Variants in ZNF385D observed in about 807,000 individuals in gnomAD.
The protein encoded by ZNF385D is zinc finger protein 659.
A neutral mutation model predicts 35.8 loss-of-function variants in ZNF385D; 15 were observed. That is an observed-to-expected ratio of 0.42 (90% CI 0.28 to 0.64). The LOEUF is 0.64. Ranked by LOEUF, ZNF385D falls within the 30% of genes least tolerant of loss-of-function variation. The pLI is 0.23. For missense variants in ZNF385D, 474 were observed against 494.6 expected (o/e 0.96, Z 0.39); for synonymous variants, 212 against 186.8 (o/e 1.13, Z -1.10).
At chr3:21,909,386 C>T (rs1215493794) in intron 3 of ZNF385D, among the ~76,000 whole-genome samples, 1 of 152,032 alleles carries the variant, frequency 6.6e-6, no homozygotes, top group Non-Finnish European at 1.5e-5. Context: ...TCCACCATGT[C>T]AGGGTGGGAA....
At chr3:21,963,790 A>G (rs1200336406) in intron 3 of ZNF385D, among the ~76,000 whole-genome samples, 1 of 152,172 alleles carries the variant, frequency 6.6e-6, no homozygotes, top group Non-Finnish European at 1.5e-5. Context: ...TATGCCCAGA[A>G]TTCTAGAGAT....
At chr3:22,201,939 G>C (rs1423211287) in intron 2 of ZNF385D, among the ~76,000 whole-genome samples, 4 of 151,748 alleles carry the variant, frequency 2.6e-5, no homozygotes, top group Non-Finnish European at 5.9e-5. Context: ...GCAAAATAAA[G>C]ATCAACAAGA....
At chr3:22,293,086 T>A (rs1439540652) in intron 2 of ZNF385D, among the ~76,000 whole-genome samples, 1 of 152,160 alleles carries the variant, frequency 6.6e-6, no homozygotes, top group Non-Finnish European at 1.5e-5. Context: ...TGAACATTAC[T>A]GTCTTATATA....
At chr3:21,873,151 T>C (rs531619443) in intron 3 of ZNF385D, among the ~76,000 whole-genome samples, 1 of 152,264 alleles carries the variant, frequency 6.6e-6, no homozygotes, top group East Asian at 1.9e-4. Context: ...GGTAGATAGC[T>C]AGATGATGGA....
chr3:21,560,282 C>G (rs1164729896), intron 3 of ZNF385D, among the ~76,000 whole-genome samples: 1 of 152,158 alleles, frequency 6.6e-6, no homozygotes, highest in Admixed American at 6.5e-5. Context: ...TGGTTTCTCC[C>G]CATCTTCGTG....
chr3:22,122,124 TA>T (rs1200656046), intron 3 of ZNF385D, among the ~76,000 whole-genome samples: 1 of 152,124 alleles, frequency 6.6e-6, no homozygotes, highest in Non-Finnish European at 1.5e-5. Context: ...TTTCTTTTTT[TA>T]AACCCCTTCC....
chr3:21,842,170 T>C (rs180806544), intron 3 of ZNF385D, among the ~76,000 whole-genome samples: 136 of 152,136 alleles, frequency 8.9e-4, no homozygotes, highest in African/African-American at 3.2e-3. Flanking sequence ...TAATTCAATA[T>C]GTAATCTTTT....
chr3:21,538,107 G>GA (rs2062080074), intron 3 of ZNF385D, among the ~76,000 whole-genome samples: 1 of 152,086 alleles, frequency 6.6e-6, no homozygotes, highest in South Asian at 2.1e-4. Context: ...GAACCAGAGG[G>GA]ATGGAGTTGC....
rs1393488011 is a variant in ZNF385D, at chr3:21,418,901, C to G, written c.*2313G>C. On this transcript the variant is annotated 3_prime_UTR_variant, in exon 8 of 8. Transcript: ENST00000281523. Reference sequence around the variant, plus strand: ...GGTTAGAAGCTGGTCACATGGGATACAGACAGAGCCCCAAACAACAGACTT... The same window carrying G: ...GGTTAGAAGCTGGTCACATGGGATAGAGACAGAGCCCCAAACAACAGACTT... 6.6e-6 allele frequency: 1 copy of G among 152,116 alleles called. No individual in the cohort carries two copies. The highest frequency in any genetic ancestry group is 1.5e-5 in the Non-Finnish European group (1 of 68,018). The allele number at this position is 152,116 out of a possible 1,614,324, so 9.4% of individuals were successfully genotyped here. A position where few individuals can be genotyped will look rare whatever the true frequency, so the allele number is the denominator to read the frequency against.
At chr3:22,033,884 C>T (rs889094581) in intron 3 of ZNF385D, among the ~76,000 whole-genome samples, 1 of 152,142 alleles carries the variant, frequency 6.6e-6, no homozygotes, top group African/African-American at 2.4e-5. Context: ...TGTAAGGTTA[C>T]CAATTCATCC....
chr3:22,003,522 A>G (rs780475450), intron 3 of ZNF385D, among the ~76,000 whole-genome samples: 30 of 152,200 alleles, frequency 2.0e-4, no homozygotes, highest in Non-Finnish European at 3.2e-4. Flanking sequence ...TCTATACTCA[A>G]TGCAATCTTT....
chr3:21,643,345 C>A (rs2065660490), intron 2 of ZNF385D, among the ~76,000 whole-genome samples: 1 of 152,018 alleles, frequency 6.6e-6, no homozygotes, highest in African/African-American at 2.4e-5. Flanking sequence ...AGGTGAGTAG[C>A]AGAATGACAG....
chr3:21,716,495 C>G (rs949672202), intron 1 of ZNF385D, among the ~76,000 whole-genome samples: 5 of 152,098 alleles, frequency 3.3e-5, no homozygotes, highest in Non-Finnish European at 5.9e-5. Flanking sequence ...TCTGACATAC[C>G]AGAGACAGTT....
At chr3:22,096,836 A>C (rs1701660914) in intron 3 of ZNF385D, among the ~76,000 whole-genome samples, 1 of 152,062 alleles carries the variant, frequency 6.6e-6, no homozygotes, top group South Asian at 2.1e-4. Flanking sequence ...TGCTCCTCTC[A>C]TTGAGAGAAA....
intron 4 of ZNF385D, among the ~76,000 whole-genome samples, chr3:21,494,824 T>C (rs1164571435): frequency 6.6e-6 from 1 of 152,190 alleles, no homozygotes. Context: ...TCAATGTTGA[T>C]TAAATGAAAC....
chr3:21,498,791 A>C (rs888897727), intron 4 of ZNF385D, among the ~76,000 whole-genome samples: 1 of 151,934 alleles, frequency 6.6e-6, no homozygotes, highest in Admixed American at 6.6e-5. Flanking sequence ...AAAATACAAA[A>C]AATTAGCTGG....
intron 3 of ZNF385D, among the ~76,000 whole-genome samples, chr3:21,995,277 G>C (rs1292898397): frequency 6.6e-6 from 1 of 152,208 alleles, no homozygotes; most frequent in Non-Finnish European, 1.5e-5. Context: ...ATAGGTGCCA[G>C]TGGCAAAAGG....
Position 21,412,907 on chromosome 3 carries a change from T to C in ZNF385D, c.*8307A>G, listed in dbSNP as rs1046146504. 3 of 152,042 alleles carry C rather than the reference T, an allele frequency of 2.0e-5. No individual in the cohort carries two copies. Among genetic ancestry groups the C allele is most frequent in the African/African-American group, 7.2e-5 (3 of 41,404 alleles). The allele number at this position is 152,042 out of a possible 1,614,324, so 9.4% of individuals were successfully genotyped here. A position where few individuals can be genotyped will look rare whatever the true frequency, so the allele number is the denominator to read the frequency against. ...TATAGTGGGGGAAATTATTGGCATA[T>C]GGGGGATTTTATCACATATCATGTA... On this transcript the variant is annotated 3_prime_UTR_variant, in exon 8 of 8. Transcript: ENST00000281523.
Position 21,798,415 on chromosome 3 carries a change from G to A in ZNF385D, c.326-133387C>T, listed in dbSNP as rs1348632616. On this transcript the variant is annotated intron_variant, in intron 3 of 5. Coordinates refer to the ZNF385D transcript ENST00000494108. ...TTGTGCTTTTTGTATCTCTAGACGC[G>A]GGACCACACTCAACTCCTAGAGACA... Among the ~76,000 whole-genome samples the A allele has an allele frequency of 3.3e-5, 5 of 152,004 alleles. No individual in the cohort carries two copies. In the East Asian group the frequency reaches 7.7e-4, roughly 23 times the overall value.
Sources: gnomAD v4.1 joint callset for allele counts (sites outside exome capture counted in the v4.1 genomes callset) on GRCh38, gnomAD v4.1.1 for gene constraint, MANE v1.5 for transcripts, NCBI Gene and HGNC (gene_info 2026-07-23, HGNC 2026-07-21) for gene names.